STK3: variants seen among roughly 807,000 people sequenced by gnomAD.
The protein encoded by STK3 is serine/threonine kinase 3.
Under a neutral mutation model 58.0 loss-of-function variants are expected in STK3, and 41 were observed. The observed-to-expected ratio is 0.71, with a 90% CI of 0.55 to 0.92. The LOEUF is 0.92. Among genes scored for constraint, STK3 ranks in the 40% least tolerant of loss-of-function variants. The probability of loss-of-function intolerance (pLI) is 0.00; values close to 1 mark genes in which losing one functional copy is unlikely to be tolerated. For synonymous variants in STK3, 170 were observed against 191.0 expected, an observed-to-expected ratio of 0.89 and a Z score of 0.91; for missense variants, 479 against 602.7, an observed-to-expected ratio of 0.79 and a Z score of 2.15.
At chr8:98,704,147 G>A (rs1465352222) in intron 6 of STK3, among the ~76,000 whole-genome samples, 1 of 152,060 alleles carries the variant, frequency 6.6e-6, no homozygotes, top group Non-Finnish European at 1.5e-5. Flanking sequence ...ATAACTAACA[G>A]AAAACTAAGG....
In STK3 at chr8:98,923,830, T is replaced by TGC. The variant is rs1839665382; in HGVS notation, c.-79+18547_-79+18548insGC. Among the ~76,000 whole-genome samples the TGC allele has an allele frequency of 3.4e-5, 3 of 87,860 alleles. No homozygotes were observed. The East Asian group carries it at 1.1e-3, about 32-fold the overall frequency. 57.6% of individuals were successfully genotyped at this position (87,860 alleles called of 152,430 possible). ...TGCAGGTTACAGTTTTGCAAAAACG[T>TGC]GTGTGTGTGTGTGTGTGTGTGTGTG... On this transcript the variant is annotated intron_variant, in intron 1 of 1. Coordinates refer to the STK3 transcript ENST00000519420.
At chr8:98,612,219 G>A (rs1031061345) in intron 6 of STK3, among the ~76,000 whole-genome samples, 18 of 150,216 alleles carry the variant, frequency 1.2e-4, no homozygotes, top group African/African-American at 2.0e-4. Flanking sequence ...TATTTCTCTC[G>A]TTAAGTACAA....
At chr8:98,359,753 T>C in the STK3 span, among the ~76,000 whole-genome samples, 1 of 152,146 alleles carries the variant, frequency 6.6e-6, no homozygotes, top group African/African-American at 2.4e-5. Flanking sequence ...CCCAAATCTT[T>C]GATATAAGTC....
chr8:98,864,579 C>G (rs2131859295), intron 3 of STK3, among the ~76,000 whole-genome samples: 1 of 152,328 alleles, frequency 6.6e-6, no homozygotes, highest in Middle Eastern at 3.4e-3. Flanking sequence ...GTTTCCCAAA[C>G]CACATGGTTT....
chr8:98,803,487 G>A lies in STK3; in HGVS notation c.26+22028C>T, dbSNP rs181312017. ...GGGACGCCTGTAGTCCCAGCTACTCGGGAGGCTAAGGTAGGAGAATGACAT... is the reference window on the plus strand; with the variant it reads ...GGGACGCCTGTAGTCCCAGCTACTCAGGAGGCTAAGGTAGGAGAATGACAT... On this transcript the variant is annotated intron_variant, in intron 1 of 10. Transcript: ENST00000419617. Among the ~76,000 whole-genome samples, 55 of 151,574 alleles carry A rather than the reference G, an allele frequency of 3.6e-4. No individual in the cohort carries two copies. The East Asian group carries it at 7.2e-3, about 20-fold the overall frequency.
chr8:98,653,338 T>C (rs1400537390), intron 6 of STK3, among the ~76,000 whole-genome samples: 3 of 152,146 alleles, frequency 2.0e-5, no homozygotes, highest in Admixed American at 6.5e-5. Flanking sequence ...AAGCAGTGTG[T>C]AGAGGGAAAT....
At chr8:98,932,677 G>T (rs567739263) in intron 1 of STK3, among the ~76,000 whole-genome samples, 1 of 152,298 alleles carries the variant, frequency 6.6e-6, no homozygotes, top group African/African-American at 2.4e-5. Context: ...TTAAAATTCA[G>T]ATTCTCATTC....
At chr8:98,624,366 A>AC (rs1277913149) in intron 6 of STK3, among the ~76,000 whole-genome samples, 1 of 152,198 alleles carries the variant, frequency 6.6e-6, no homozygotes, top group Non-Finnish European at 1.5e-5. Flanking sequence ...AATGATAGTT[A>AC]CATAGAGTGT....
chr8:98,932,864 A>G (rs1313572740), intron 1 of STK3, among the ~76,000 whole-genome samples: 1 of 152,208 alleles, frequency 6.6e-6, no homozygotes, highest in East Asian at 1.9e-4. Context: ...ACTTTTTCCC[A>G]GAGCCAAATT....
intron 6 of STK3, among the ~76,000 whole-genome samples, chr8:98,609,567 A>T (rs1166683006): frequency 6.6e-6 from 1 of 152,236 alleles, no homozygotes; most frequent in African/African-American, 2.4e-5. Flanking sequence ...TTTACAAAAA[A>T]TAAGAAGACA....
Position 98,412,377 on chromosome 8 carries a change from C to T in STK3, n.484-10864G>A, listed in dbSNP as rs905822262. On this transcript the variant is annotated intron_variant and non_coding_transcript_variant, in intron 3 of 3. Coordinates refer to the STK3 transcript ENST00000517832. ...TTCCTCTGCCTTTGCTGCATACCAC[C>T]CCTGAAACCTTCAAATGGAGCCGCT... Among the ~76,000 whole-genome samples the T allele has an allele frequency of 3.3e-5, 5 of 152,320 alleles. No homozygotes were observed. In the East Asian group the frequency reaches 9.6e-4, roughly 29 times the overall value.
intron 3 of STK3, among the ~76,000 whole-genome samples, chr8:98,866,008 G>A (rs548098161): frequency 1.3e-5 from 2 of 152,228 alleles, no homozygotes; most frequent in Non-Finnish European, 2.9e-5. Flanking sequence ...AGGACCATGT[G>A]CCCCGTTGCT....
the STK3 span, among the ~76,000 whole-genome samples, chr8:98,349,746 C>G: frequency 2.0e-5 from 3 of 152,228 alleles, no homozygotes; most frequent in Non-Finnish European, 4.4e-5. Context: ...GGGACTTGCA[C>G]CCTCTGAAGC....
chr8:98,715,230 T>C (rs1826898475), intron 4 of STK3, among the ~76,000 whole-genome samples: 2 of 152,148 alleles, frequency 1.3e-5, no homozygotes, highest in East Asian at 3.9e-4. Flanking sequence ...GGGTAAGGAC[T>C]TCATGTCTAA....
chr8:98,648,536 G>A (rs1820588667), intron 6 of STK3, among the ~76,000 whole-genome samples: 1 of 152,092 alleles, frequency 6.6e-6, no homozygotes, highest in African/African-American at 2.4e-5. Flanking sequence ...TACCACAAAT[G>A]CCTTTTGCTC....
chr8:98,888,220 G>A (rs1322100714), intron 1 of STK3, among the ~76,000 whole-genome samples: 1 of 152,188 alleles, frequency 6.6e-6, no homozygotes, highest in Non-Finnish European at 1.5e-5. Context: ...TCAGGAGGCT[G>A]AGGCAGGAGA....
rs147127503 is a variant in STK3, at chr8:98,684,603, G to A, written c.684+21864C>T. Reference sequence around the variant, plus strand: ...ATTGTTCATATACACTATCCCTTTTGATCTTCAAAAAGAACTCTGTGAAGT... The same window carrying A: ...ATTGTTCATATACACTATCCCTTTTAATCTTCAAAAAGAACTCTGTGAAGT... On this transcript the variant is annotated intron_variant, in intron 6 of 10. Transcript: ENST00000419617. Among the ~76,000 whole-genome samples the A allele has an allele frequency of 3.9e-5, 6 of 152,146 alleles. No homozygotes were observed. The East Asian group carries it at 1.2e-3, about 29-fold the overall frequency.
chr8:98,460,420 T>C (rs1269890387), intron 10 of STK3, among the ~76,000 whole-genome samples: 2 of 152,228 alleles, frequency 1.3e-5, no homozygotes, highest in Non-Finnish European at 2.9e-5. Flanking sequence ...ACTTGCCTTG[T>C]CTCAGATTAG....
rs112943602 is a variant in STK3 at position 98,900,951 on chromosome 8, T to C, written c.-78-17117A>G. On this transcript the variant is annotated intron_variant, in intron 1 of 1. Coordinates refer to the STK3 transcript ENST00000519420. ...TGCTGGGATAACAGGCATGAGCCAC[T>C]GCACCCGGCCTATAGTTTTATATTA... Among the ~76,000 whole-genome samples, 1,343 of 152,322 alleles carry C rather than the reference T, an allele frequency of 8.8e-3. 15 individuals carry two copies. Among genetic ancestry groups the C allele is most frequent in the African/African-American group, 0.03 (1,261 of 41,568 alleles).
Sources: gnomAD v4.1 joint callset for allele counts (sites outside exome capture counted in the v4.1 genomes callset) on GRCh38, gnomAD v4.1.1 for gene constraint, MANE v1.5 for transcripts, NCBI Gene and HGNC (gene_info 2026-07-23, HGNC 2026-07-21) for gene names.